NALF1: variants seen among roughly 807,000 people sequenced by gnomAD.
The protein encoded by NALF1 is family with sequence similarity 155 member A.
A neutral mutation model predicts 48.4 loss-of-function variants in NALF1; 3 were observed. That is an observed-to-expected ratio of 0.06 (90% CI 0.03 to 0.16). NALF1 has a LOEUF of 0.16. Ranked by LOEUF, NALF1 falls within the 10% of genes least tolerant of loss-of-function variation. The pLI is 1.00. For synonymous variants in NALF1, 262 were observed against 245.7 expected, an observed-to-expected ratio of 1.07 and a Z score of -0.62; for missense variants, 526 against 571.5, an observed-to-expected ratio of 0.92 and a Z score of 0.81.
chr13:107,622,741 T>C (rs1879560530), intron 1 of NALF1, among the ~76,000 whole-genome samples: 1 of 152,180 alleles, frequency 6.6e-6, no homozygotes, highest in African/African-American at 2.4e-5. Context: ...GATTAATTTA[T>C]TTTTTATTTA....
chr13:107,862,609 A>G (rs1880603731), intron 1 of NALF1, among the ~76,000 whole-genome samples: 2 of 152,040 alleles, frequency 1.3e-5, no homozygotes, highest in South Asian at 4.1e-4. Context: ...TACATTTATC[A>G]GAATATTTAA....
chr13:107,359,448 A>G (rs563467459), intron 1 of NALF1, among the ~76,000 whole-genome samples: 2 of 152,254 alleles, frequency 1.3e-5, no homozygotes, highest in South Asian at 4.1e-4. Flanking sequence ...AACTGCTGTG[A>G]TATCATTCTA....
At chr13:107,779,247 T>C (rs1877820453) in intron 1 of NALF1, among the ~76,000 whole-genome samples, 1 of 152,228 alleles carries the variant, frequency 6.6e-6, no homozygotes, top group Admixed American at 6.5e-5. Flanking sequence ...AATATCCTAG[T>C]TTGTGGTTTC....
intron 1 of NALF1, among the ~76,000 whole-genome samples, chr13:107,499,696 G>GA (rs1875454672): frequency 6.6e-6 from 1 of 151,950 alleles, no homozygotes; most frequent in Admixed American, 6.6e-5. Flanking sequence ...AGACCCAAGG[G>GA]AAAAAATAAT....
At chr13:107,707,032 C>G (rs1046811452) in intron 1 of NALF1, among the ~76,000 whole-genome samples, 73 of 144,698 alleles carry the variant, frequency 5.0e-4, no homozygotes, top group Non-Finnish European at 1.0e-3. Flanking sequence ...ACGCCATTCT[C>G]CTGCCTCAGC....
intron 1 of NALF1, among the ~76,000 whole-genome samples, chr13:107,796,999 T>C (rs1205804527): frequency 1.3e-5 from 2 of 152,154 alleles, no homozygotes; most frequent in African/African-American, 4.8e-5. Flanking sequence ...CACAAATGCA[T>C]GCCCTTCACA....
chr13:107,357,505 T>C (rs1882984300), intron 1 of NALF1, among the ~76,000 whole-genome samples: 1 of 152,104 alleles, frequency 6.6e-6, no homozygotes, highest in African/African-American at 2.4e-5. Context: ...CCTTAGGAGA[T>C]ACGTTGTGTT....
At chr13:107,408,792 G>C (rs1290977735) in intron 1 of NALF1, among the ~76,000 whole-genome samples, 1 of 152,060 alleles carries the variant, frequency 6.6e-6, no homozygotes, top group East Asian at 1.9e-4. Context: ...AAATGATATA[G>C]GGGGAGATTG....
At chr13:107,680,653 A>ACT in intron 1 of NALF1, among the ~76,000 whole-genome samples, 1 of 151,460 alleles carries the variant, frequency 6.6e-6, no homozygotes, top group Middle Eastern at 3.2e-3. Context: ...TGTGCATATG[A>ACT]GTGTGTATGT....
chr13:107,708,058 A>C (rs1280637420), intron 1 of NALF1, among the ~76,000 whole-genome samples: 1 of 152,086 alleles, frequency 6.6e-6, no homozygotes, highest in Non-Finnish European at 1.5e-5. Context: ...AGAAATAATA[A>C]ATACAGTCAA....
intron 1 of NALF1, among the ~76,000 whole-genome samples, chr13:107,366,327 C>A (rs1002534647): frequency 2.0e-5 from 3 of 152,142 alleles, no homozygotes; most frequent in African/African-American, 7.2e-5. Context: ...AAATATCTAA[C>A]CTTGAAGAAG....
intron 1 of NALF1, among the ~76,000 whole-genome samples, chr13:107,779,213 C>G (rs1877819612): frequency 6.6e-6 from 1 of 152,130 alleles, no homozygotes; most frequent in Admixed American, 6.5e-5. Context: ...GTGTTTACAC[C>G]TGCATTCTTA....
chr13:107,659,095 A>G (rs982270346), intron 1 of NALF1, among the ~76,000 whole-genome samples: 3 of 131,356 alleles, frequency 2.3e-5, no homozygotes, highest in African/African-American at 9.2e-5. Context: ...ACTAGCCAGC[A>G]CTGACACACT....
At chr13:107,604,872 T>C (rs957788) in intron 1 of NALF1, among the ~76,000 whole-genome samples, 52,719 of 151,896 alleles carry the variant, frequency 0.35, 9,702 homozygotes, top group African/African-American at 0.46. Flanking sequence ...AGCCATGAGA[T>C]CGTGATAATA....
chr13:107,855,857 AC>A (rs1201888623), intron 1 of NALF1, among the ~76,000 whole-genome samples: 1 of 152,228 alleles, frequency 6.6e-6, no homozygotes, highest in African/African-American at 2.4e-5. Flanking sequence ...ATGGATGATA[AC>A]ATTATTATGA....
chr13:107,829,468 T>C (rs1879641375), intron 1 of NALF1, among the ~76,000 whole-genome samples: 1 of 152,102 alleles, frequency 6.6e-6, no homozygotes, highest in Admixed American at 6.6e-5. Context: ...TGAAATAACT[T>C]TTGGATCTCA....
chr13:107,830,647 T>A (rs576377941), intron 1 of NALF1, among the ~76,000 whole-genome samples: 10 of 152,226 alleles, frequency 6.6e-5, no homozygotes, highest in African/African-American at 2.4e-4. Context: ...GGGGGGAGGA[T>A]TCTTGTTGTT....
In NALF1 at chr13:107,602,277, G is replaced by T. The variant is rs540324520; in HGVS notation, c.915+263405C>A. 2.6e-5 allele frequency among the ~76,000 whole-genome samples: 4 copies of T among 152,230 alleles called. No homozygotes were observed. The South Asian group carries it at 8.3e-4, about 32-fold the overall frequency. On this transcript the variant is annotated intron_variant, in intron 1 of 2. Coordinates refer to ENST00000375915, the MANE Select transcript of NALF1 (RefSeq NM_001080396.3). ...AATCTATATACTCAGATCATAAGAG[G>T]GAAGTCTTTGTAAGCACTGTGGTTA...
intron 2 of NALF1, among the ~76,000 whole-genome samples, chr13:107,175,120 A>G (rs1216431718): frequency 6.8e-6 from 1 of 145,990 alleles, no homozygotes; most frequent in Non-Finnish European, 1.5e-5. Context: ...CGATCTCCTG[A>G]CCTCGTGATC....
Sources: gnomAD v4.1 joint callset for allele counts (sites outside exome capture counted in the v4.1 genomes callset) on GRCh38, gnomAD v4.1.1 for gene constraint, MANE v1.5 for transcripts, NCBI Gene and HGNC (gene_info 2026-07-23, HGNC 2026-07-21) for gene names.